Variants in EYS observed in about 807,000 individuals in gnomAD.
The protein encoded by EYS is EGF-like photoreceptor maintenance factor.
A neutral mutation model predicts 282.1 loss-of-function variants in EYS; 250 were observed. The ratio of observed to expected loss-of-function variants is 0.89; its 90% CI spans 0.80 to 0.98. The LOEUF is 0.98. Ranked by LOEUF, EYS falls within the 50% of genes least tolerant of loss-of-function variation. The probability of loss-of-function intolerance (pLI) is 0.00; values close to 1 mark genes in which losing one functional copy is unlikely to be tolerated. For missense variants in EYS, 4,016 were observed against 3,709.0 expected (o/e 1.08, Z -2.15); for synonymous variants, 1,355 against 1,282.9 (o/e 1.06, Z -1.20).
intron 2 of EYS, among the ~76,000 whole-genome samples, chr6:65,569,032 C>T (rs987064564): frequency 3.3e-5 from 5 of 152,126 alleles, no homozygotes; most frequent in African/African-American, 1.2e-4. Context: ...GGCCTCTGAG[C>T]CCAAGATAAA....
At chr6:64,163,087 T>C (rs1342429483) in intron 31 of EYS, among the ~76,000 whole-genome samples, 1 of 152,084 alleles carries the variant, frequency 6.6e-6, no homozygotes, top group Non-Finnish European at 1.5e-5. Flanking sequence ...GTCTCACACC[T>C]GGGGGATTAT....
At chr6:64,316,729 A>C (rs181721650) in intron 29 of EYS, among the ~76,000 whole-genome samples, 2 of 151,998 alleles carry the variant, frequency 1.3e-5, no homozygotes, top group Non-Finnish European at 2.9e-5. Context: ...ATTTCATATC[A>C]AACCAAAAAA....
intron 8 of EYS, among the ~76,000 whole-genome samples, chr6:65,378,913 T>C (rs1447825136): frequency 3.3e-5 from 5 of 151,854 alleles, no homozygotes. Context: ...AGGGATAACA[T>C]TAGGAGAAAT....
chr6:64,489,984 C>A (rs1394300232), intron 26 of EYS, among the ~76,000 whole-genome samples: 2 of 150,738 alleles, frequency 1.3e-5, no homozygotes, highest in Admixed American at 6.6e-5. Flanking sequence ...TCTGAAAAGG[C>A]AGTCACCCAG....
rs995017027 is a variant in EYS, at chr6:64,746,497, C to T, written c.3443+66881G>A. On this transcript the variant is annotated intron_variant, in intron 22 of 42. Coordinates refer to ENST00000503581, the MANE Select transcript of EYS (RefSeq NM_001142800.2). ...ACGCATCTGTGGTAGTCGGTTACAG[C>T]GTCATAAATAGACTAAGGTTTGATT... Among the ~76,000 whole-genome samples the T allele has an allele frequency of 2.6e-5, 4 of 152,000 alleles. 1 individual carries two copies. Among genetic ancestry groups the T allele is most frequent in the Admixed American group, 2.0e-4 (3 of 15,256 alleles).
At chr6:65,291,011 A>G (rs1768510077) in intron 12 of EYS, among the ~76,000 whole-genome samples, 2 of 151,526 alleles carry the variant, frequency 1.3e-5, no homozygotes, top group East Asian at 1.9e-4. Context: ...GTATTAAACA[A>G]CAACATAATA....
intron 30 of EYS, among the ~76,000 whole-genome samples, chr6:64,296,591 TATATA>T: frequency 2.2e-4 from 1 of 4,610 alleles, no homozygotes; most frequent in African/African-American, 7.8e-4. Context: ...TATACATATA[TATATA>T]TATTTTTTTT....
intron 36 of EYS, among the ~76,000 whole-genome samples, chr6:63,808,499 GA>G: frequency 6.6e-6 from 1 of 152,254 alleles, no homozygotes; most frequent in South Asian, 2.1e-4. Flanking sequence ...GGTCAAGGAT[GA>G]AAATAAGAAC....
intron 22 of EYS, among the ~76,000 whole-genome samples, chr6:64,754,541 A>C (rs1772870773): frequency 6.6e-6 from 1 of 152,100 alleles, no homozygotes; most frequent in African/African-American, 2.4e-5. Flanking sequence ...AAAAAAAGAA[A>C]ACTACAAACC....
At chr6:64,805,482 C>T (rs1018443795) in intron 22 of EYS, among the ~76,000 whole-genome samples, 8 of 151,710 alleles carry the variant, frequency 5.3e-5, no homozygotes, top group Non-Finnish European at 8.9e-5. Flanking sequence ...ATAATTTGAT[C>T]ATAAATTATT....
chr6:64,912,837 G>A (rs1768044589), intron 15 of EYS, 94 bp from the exon 16 acceptor site: 1 of 702,500 alleles, frequency 1.4e-6, no homozygotes. Context: ...ATAGTATGTG[G>A]TGCTTTTAAA....
At chr6:63,933,553 A>G (rs975296690) in intron 35 of EYS, among the ~76,000 whole-genome samples, 2 of 152,148 alleles carry the variant, frequency 1.3e-5, no homozygotes, top group Non-Finnish European at 2.9e-5. Flanking sequence ...ATAATTGATT[A>G]CATCATTGGC....
chr6:64,760,707 C>A (rs1470202434), intron 22 of EYS, among the ~76,000 whole-genome samples: 1 of 152,126 alleles, frequency 6.6e-6, no homozygotes, highest in African/African-American at 2.4e-5. Context: ...TCTTTAATTG[C>A]AGCTTGTCAG....
intron 1 of EYS, among the ~76,000 whole-genome samples, chr6:65,687,568 G>A (rs1769070203): frequency 6.6e-6 from 1 of 152,066 alleles, no homozygotes; most frequent in African/African-American, 2.4e-5. Flanking sequence ...ACATAGTTTG[G>A]AAGTTCTGGC....
At chr6:64,304,423 C>T (rs9451283) in intron 30 of EYS, among the ~76,000 whole-genome samples, 109,096 of 152,088 alleles carry the variant, frequency 0.72, 39,335 homozygotes, top group African/African-American at 0.79. Context: ...CTTAACACAA[C>T]AAACCAACTA....
At chr6:65,019,008 A>G (rs575724640) in intron 13 of EYS, among the ~76,000 whole-genome samples, 80 of 152,276 alleles carry the variant, frequency 5.3e-4, no homozygotes, top group African/African-American at 1.9e-3. Flanking sequence ...ATCTCAATGA[A>G]CACAAAATGG....
chr6:65,170,479 T>C (rs1765080226), intron 12 of EYS, among the ~76,000 whole-genome samples: 1 of 151,518 alleles, frequency 6.6e-6, no homozygotes, highest in African/African-American at 2.4e-5. Flanking sequence ...TGACATCCTA[T>C]GAGTCTAAGT....
chr6:64,041,887 T>A (rs1438964782), intron 33 of EYS, among the ~76,000 whole-genome samples: 1 of 152,200 alleles, frequency 6.6e-6, no homozygotes, highest in Non-Finnish European at 1.5e-5. Context: ...GTAAATATGA[T>A]CTTTTTTTAA....
chr6:64,226,455 G>A (rs539917468), intron 31 of EYS, among the ~76,000 whole-genome samples: 2 of 151,878 alleles, frequency 1.3e-5, no homozygotes, highest in East Asian at 1.9e-4. Flanking sequence ...AAAAGGTATG[G>A]GCCTGTTTAA....
Sources: gnomAD v4.1 joint callset for allele counts (sites outside exome capture counted in the v4.1 genomes callset) on GRCh38, gnomAD v4.1.1 for gene constraint, MANE v1.5 for transcripts, NCBI Gene and HGNC (gene_info 2026-07-23, HGNC 2026-07-21) for gene names.